Variants in DSC3 observed in about 807,000 individuals in gnomAD.
DSC3 encodes the protein desmocollin 3.
In DSC3, 97 loss-of-function variants were observed where a neutral mutation model predicts 89.5. The ratio of observed to expected loss-of-function variants is 1.08; its 90% confidence interval spans 0.92 to 1.28. The LOEUF (loss-of-function observed/expected upper bound fraction) is 1.28. DSC3 is among the 50% of genes most tolerant of loss of function. DSC3 has a pLI of 0.00. For synonymous variants in DSC3, 436 were observed against 384.1 expected (o/e 1.14, Z -1.58); for missense variants, 1,199 against 1,085.3 (o/e 1.10, Z -1.47).
rs192127620 is a variant in DSC3, at chr18:31,035,281, A to G, written c.70-3005T>C. On this transcript the variant is annotated intron_variant, in intron 1 of 15. Transcript: ENST00000360428. ...ATCGTACTTCTCAAAGATCCACCTT[A>G]CCCTCACTTAAATTAGTCAGAATAA... Among the ~76,000 whole-genome samples the G allele has an allele frequency of 2.5e-3, 380 of 152,174 alleles. 3 individuals are homozygous for G. Among genetic ancestry groups the G allele is most frequent in the African/African-American group, 8.4e-3 (351 of 41,548 alleles).
intron 8 of DSC3, 55 bp from the exon 9 acceptor site, chr18:31,018,311 A>C: frequency 1.4e-6 from 2 of 1,446,608 alleles, no homozygotes; most frequent in South Asian, 2.6e-5. Flanking sequence ...GACAACTTTA[A>C]AAAAAAGTTT....
intron 12 of DSC3, among the ~76,000 whole-genome samples, chr18:31,006,095 A>C (rs1003436679): frequency 1.3e-5 from 2 of 152,176 alleles, no homozygotes; most frequent in Non-Finnish European, 2.9e-5. Context: ...GAAGTACAGA[A>C]CATGACAGCC....
intron 3 of DSC3, among the ~76,000 whole-genome samples, chr18:31,030,648 G>GAC (rs1567960762): frequency 6.6e-6 from 1 of 151,886 alleles, no homozygotes. Context: ...TGTTAAGAAA[G>GAC]AGAGAGAGGG....
rs1207244389 is a variant in DSC3, at chr18:31,031,140, G to C, written c.187C>G (p.Leu63Val). The C allele has an allele frequency of 9.3e-6, 15 of 1,613,104 alleles. No individual in the cohort carries two copies. Among genetic ancestry groups the C allele is most frequent in the Non-Finnish European group, 1.3e-5 (15 of 1,179,738 alleles). The change falls in exon 3 of 16, where the codon CTC (leucine) becomes GTC (valine). Residue 63 changes from leucine (L) to valine (V), a missense_variant. Transcript: ENST00000360428. ...AAATCAGGATCACTTGACCGGATGAGGTCTGCAGACCTGAAGCACTCTTCC... is the reference window on the plus strand; with the variant it reads ...AAATCAGGATCACTTGACCGGATGACGTCTGCAGACCTGAAGCACTCTTCC... ...NLEECFRSAD[L>V]IRSSDPDFRV...
At position 31,001,169 on chromosome 18, in the gene DSC3, G is replaced by A. The variant is rs1227523696; in HGVS notation, c.2235+449C>T. ...CTCAGAAGTCCTAAGAAATATATAA[G>A]GAAAGAGAGTGGCAGTAATCTTCCA... On this transcript the variant is annotated intron_variant, in intron 14 of 15. Transcript: ENST00000360428. 2.1e-5 allele frequency among the ~76,000 whole-genome samples: 3 copies of A among 145,456 alleles called. No homozygotes were observed. In the East Asian group the frequency reaches 6.4e-4, roughly 31 times the overall value.
chr18:30,992,954 T>C lies in DSC3; in HGVS notation c.*1221A>G, dbSNP rs909962033. Reference sequence around the variant, plus strand: ...GGGCAGTGAGGAGAAAAATGAAATTTTGTAGCTCCCAGACCTGATCAGGTG... The same window carrying C: ...GGGCAGTGAGGAGAAAAATGAAATTCTGTAGCTCCCAGACCTGATCAGGTG... On this transcript the variant is annotated 3_prime_UTR_variant, in exon 16 of 16. Transcript: ENST00000360428. 2.0e-5 allele frequency: 3 copies of C among 152,156 alleles called. No individual in the cohort carries two copies. Among genetic ancestry groups the C allele is most frequent in the Non-Finnish European group, 2.9e-5 (2 of 68,030 alleles). The allele number at this position is 152,156 out of a possible 1,614,324, so 9.4% of individuals were successfully genotyped here.
At chr18:31,008,771 A>G (rs1984957817) in intron 9 of DSC3, among the ~76,000 whole-genome samples, 1 of 152,178 alleles carries the variant, frequency 6.6e-6, no homozygotes, top group Admixed American at 6.5e-5. Flanking sequence ...AAATATTTTC[A>G]TATTTCACTC....
At chr18:30,998,618 A>T (rs1285499804) in intron 14 of DSC3, among the ~76,000 whole-genome samples, 2 of 152,192 alleles carry the variant, frequency 1.3e-5, no homozygotes, top group African/African-American at 2.4e-5. Flanking sequence ...AGGGCTAAGG[A>T]TAGAACCACA....
intron 9 of DSC3, 30 bp from the exon 10 acceptor site, chr18:31,008,555 T>A: frequency 6.2e-7 from 1 of 1,612,444 alleles, no homozygotes; most frequent in Non-Finnish European, 8.5e-7. Flanking sequence ...TATATCAGTG[T>A]CAGTGTAAAA....
chr18:31,023,670 G>A (rs1985498543), intron 6 of DSC3, among the ~76,000 whole-genome samples: 1 of 152,094 alleles, frequency 6.6e-6, no homozygotes, highest in South Asian at 2.1e-4. Flanking sequence ...CATCCTTTAT[G>A]ACTGAATCCT....
chr18:31,037,431 G>A (rs1986005996), intron 1 of DSC3, among the ~76,000 whole-genome samples: 1 of 152,112 alleles, frequency 6.6e-6, no homozygotes, highest in Admixed American at 6.5e-5. Flanking sequence ...TGATATGCTT[G>A]TTAGGACCTC....
chr18:30,997,856 A>C (rs1354316362), intron 14 of DSC3, among the ~76,000 whole-genome samples: 1 of 152,168 alleles, frequency 6.6e-6, no homozygotes, highest in Non-Finnish European at 1.5e-5. Flanking sequence ...TGGGACAAAC[A>C]AGGCAACCAC....
At chr18:31,035,816 G>A (rs958778611) in intron 1 of DSC3, among the ~76,000 whole-genome samples, 2 of 151,974 alleles carry the variant, frequency 1.3e-5, no homozygotes, top group African/African-American at 4.8e-5. Flanking sequence ...CTTCTCCAGG[G>A]AATAGAGTTT....
At chr18:31,027,653 T>C (rs1224075855) in intron 4 of DSC3, among the ~76,000 whole-genome samples, 1 of 152,126 alleles carries the variant, frequency 6.6e-6, no homozygotes, top group Middle Eastern at 3.2e-3. Flanking sequence ...GCTATGGTGT[T>C]TTCCTGACTG....
Position 31,008,363 on chromosome 18 carries a change from G to A in DSC3, c.1426C>T (p.Gln476Ter). ...AAGTTTTCTTTAATCCGCACATATT[G>A]GGCTGCAGGAGTGCATTCAGGCCCC... ...DEGPECTPAA[Q>*]YVRIKENLAV... is the part of the protein sequence containing the mutation. The change falls in exon 10 of 16, where the codon CAA becomes TAA. Residue 476 changes from glutamine to a stop codon, truncating the protein, a stop_gained. Transcript: ENST00000360428. LOFTEE classifies it high-confidence loss of function. The A allele has an allele frequency of 6.2e-7, 1 of 1,613,988 alleles. No individual in the cohort carries two copies. Among genetic ancestry groups the A allele is most frequent in the Non-Finnish European group, 8.5e-7 (1 of 1,179,996 alleles).
chr18:31,032,302 A>T, intron 1 of DSC3, 26 bp from the exon 2 acceptor site: 2 of 1,528,462 alleles, frequency 1.3e-6, no homozygotes, highest in South Asian at 2.2e-5. Context: ...TCACATTAAT[A>T]CAGTAGAAAA....
At chr18:31,004,489 T>C (rs1051667470) in intron 12 of DSC3, 123 bp from the exon 13 acceptor site, 1 of 836,172 alleles carries the variant, frequency 1.2e-6, no homozygotes, top group African/African-American at 1.7e-5. Flanking sequence ...TGAAAATAAA[T>C]AAAAATGGAG....
chr18:31,029,620 C>G lies in DSC3; in HGVS notation c.363G>C (p.Lys121Asn). Residue 121 changes from lysine to asparagine, a missense_variant, in exon 4 of 16, where the codon AAG becomes AAC. By Grantham distance (94) the Lys-to-Asn change is moderately conservative. Coordinates refer to ENST00000360428, the MANE Select transcript of DSC3 (RefSeq NM_001941.5). ...GAACAGTTTCTCTAGTGTGTCTTGTCTTCGATACCTGAATTTAGAGAAAAA... is the reference window on the plus strand; with the variant it reads ...GAACAGTTTCTCTAGTGTGTCTTGTGTTCGATACCTGAATTTAGAGAAAAA... ...VLLEHQKKVSKTRHTRETVLR... is the reference protein window; with the variant it reads ...VLLEHQKKVSNTRHTRETVLR... 6.2e-7 allele frequency: 1 copy of G among 1,613,724 alleles called. No homozygotes were observed. Among genetic ancestry groups the G allele is most frequent in the Non-Finnish European group, 8.5e-7 (1 of 1,179,616 alleles).
chr18:31,025,841 T>A lies in DSC3; in HGVS notation c.549A>T (p.Leu183Phe). Reference protein sequence around the residue: ...ISGRGVDKEPLNLFYIERDTG... With the variant: ...ISGRGVDKEPFNLFYIERDTG... ...TGTCTCTTTCTATATAAAACAAATT[T>A]AAAGGTTCTTTATCAACTCCACGTC... is the stretch of plus-strand genomic sequence containing the variant. The change falls in exon 5 of 16, where the codon TTA (leucine) becomes TTT (phenylalanine). Residue 183 changes from leucine (L) to phenylalanine (F), a missense_variant. Leu to Phe is a conservative substitution (Grantham distance 22). Transcript: ENST00000360428. The A allele has an allele frequency of 6.2e-7, 1 of 1,613,158 alleles. No individual in the cohort carries two copies. The highest frequency in any genetic ancestry group is 8.5e-7 in the Non-Finnish European group (1 of 1,179,408).
Sources: allele counts gnomAD v4.1 joint callset (sites outside exome capture counted in the v4.1 genomes callset), GRCh38; gene constraint gnomAD v4.1.1; transcripts MANE v1.5; gene names NCBI Gene and HGNC (gene_info 2026-07-23, HGNC 2026-07-21).